Variants in RTN1 observed in about 807,000 individuals in gnomAD.
RTN1 encodes reticulon-1.
A neutral mutation model predicts 65.5 loss-of-function variants in RTN1; 25 were observed. That is an observed-to-expected ratio of 0.38 (90% confidence interval 0.28 to 0.53). The LOEUF (loss-of-function observed/expected upper bound fraction) is 0.53. RTN1 is among the 20% of genes least tolerant of loss of function. RTN1 has a pLI of 0.79. For missense variants in RTN1, 983 were observed against 1,025.4 expected (o/e 0.96, Z 0.57); for synonymous variants, 471 against 447.6 (o/e 1.05, Z -0.66).
At chr14:59,702,797 C>T (rs1884207644) in intron 3 of RTN1, among the ~76,000 whole-genome samples, 1 of 152,210 alleles carries the variant, frequency 6.6e-6, no homozygotes, top group East Asian at 1.9e-4. Flanking sequence ...CACTCCTCTG[C>T]TTTCACCCCA....
At chr14:59,656,773 C>T (rs2140203496) in intron 3 of RTN1, among the ~76,000 whole-genome samples, 1 of 152,322 alleles carries the variant, frequency 6.6e-6, no homozygotes, top group South Asian at 2.1e-4. Context: ...TGCCCAAGTA[C>T]ATAACTTGAA....
intron 3 of RTN1, among the ~76,000 whole-genome samples, chr14:59,707,748 C>T (rs1014439236): frequency 2.0e-5 from 3 of 150,722 alleles, no homozygotes; most frequent in Non-Finnish European, 4.4e-5. Context: ...CACACAAATA[C>T]ATACACACAA....
intron 3 of RTN1, among the ~76,000 whole-genome samples, chr14:59,641,599 GA>G (rs1566670016): frequency 6.6e-6 from 1 of 152,122 alleles, no homozygotes; most frequent in Non-Finnish European, 1.5e-5. Flanking sequence ...TTGAACTCCC[GA>G]CCTCAGGTGA....
At chr14:59,625,547 T>G (rs1882372514) in intron 3 of RTN1, among the ~76,000 whole-genome samples, 1 of 152,234 alleles carries the variant, frequency 6.6e-6, no homozygotes, top group African/African-American at 2.4e-5. Context: ...AAATACTTTT[T>G]GTAACATATT....
chr14:59,638,130 G>A (rs10146849), intron 3 of RTN1, among the ~76,000 whole-genome samples: 30 of 150,964 alleles, frequency 2.0e-4, no homozygotes, highest in African/African-American at 7.1e-4. Flanking sequence ...GGGATTACAG[G>A]CATGAGCCAC....
At chr14:59,806,276 CTT>C (rs1244361020) in intron 1 of RTN1, among the ~76,000 whole-genome samples, 2 of 151,086 alleles carry the variant, frequency 1.3e-5, no homozygotes, top group Non-Finnish European at 2.9e-5. Flanking sequence ...ATATATTTGA[CTT>C]AATACAATTG....
At chr14:59,634,576 C>T (rs945472359) in intron 3 of RTN1, among the ~76,000 whole-genome samples, 1 of 152,144 alleles carries the variant, frequency 6.6e-6, no homozygotes, top group Non-Finnish European at 1.5e-5. Flanking sequence ...TTTCTTGATT[C>T]ATTTATTCAT....
chr14:59,870,280 G>C lies in RTN1; in HGVS notation c.241+110C>G, dbSNP rs1210412073. On this transcript the variant is annotated intron_variant, in intron 1 of 8. Coordinates refer to ENST00000267484, the MANE Select transcript of RTN1 (RefSeq NM_021136.3). This position sits in a 1 kb window ranked among gnomAD's most constrained non-coding sequence, Gnocchi z 5.1. ...GTGGCGACGCGGGGGTGGGGTCGGC[G>C]CTCAAGGCAGAAAGCGCGAGGCAGG... The C allele has an allele frequency of 4.3e-6, 5 of 1,154,348 alleles. No homozygotes were observed. The highest frequency in any genetic ancestry group is 5.6e-6 in the Non-Finnish European group (5 of 896,200). The allele number at this position is 1,154,348 out of a possible 1,614,324, so 71.5% of individuals were successfully genotyped here.
chr14:59,818,064 T>C (rs1886854744), intron 1 of RTN1, among the ~76,000 whole-genome samples: 1 of 152,170 alleles, frequency 6.6e-6, no homozygotes, highest in African/African-American at 2.4e-5. Flanking sequence ...TGTCTGTTGT[T>C]CCCATCTTTG....
intron 3 of RTN1, among the ~76,000 whole-genome samples, chr14:59,722,270 G>C (rs1298018069): frequency 6.6e-6 from 1 of 152,184 alleles, no homozygotes; most frequent in Non-Finnish European, 1.5e-5. Context: ...AGGTCTATGG[G>C]ATGTCCAATA....
chr14:59,607,272 C>T lies in RTN1; in HGVS notation c.1973+13G>A. On this transcript the variant is annotated intron_variant, in intron 4 of 8. Transcript: ENST00000267484. Reference sequence around the variant, plus strand: ...TGGTCAGTGGGTGAGGGCTCCTCAGCTGAGGCACTCACTTGAAAGGGTGGC... The same window carrying T: ...TGGTCAGTGGGTGAGGGCTCCTCAGTTGAGGCACTCACTTGAAAGGGTGGC... The T allele has an allele frequency of 6.2e-7, 1 of 1,612,416 alleles. No homozygotes were observed. The highest frequency in any genetic ancestry group is 1.1e-5 in the South Asian group (1 of 90,748).
chr14:59,854,298 A>C (rs1887563406), intron 1 of RTN1, among the ~76,000 whole-genome samples: 1 of 152,112 alleles, frequency 6.6e-6, no homozygotes, highest in South Asian at 2.1e-4. Flanking sequence ...ATAGGTTTTC[A>C]TGCAAGCTAA....
intron 1 of RTN1, among the ~76,000 whole-genome samples, chr14:59,761,246 C>A (rs1885742186): frequency 6.6e-6 from 1 of 152,170 alleles, no homozygotes; most frequent in African/African-American, 2.4e-5. Flanking sequence ...GTGTCCCCAC[C>A]CAAATCTCAC....
intron 3 of RTN1, among the ~76,000 whole-genome samples, chr14:59,620,438 C>T (rs1882225064): frequency 6.6e-6 from 1 of 152,080 alleles, no homozygotes; most frequent in African/African-American, 2.4e-5. Context: ...ATGAGATGTC[C>T]TGTAGTGTCA....
At chr14:59,693,955 G>A (rs1884011872) in intron 3 of RTN1, among the ~76,000 whole-genome samples, 1 of 152,226 alleles carries the variant, frequency 6.6e-6, no homozygotes. Flanking sequence ...ATCTGAAGAT[G>A]AGTTTTCTGC....
chr14:59,641,133 G>T (rs559245693), intron 3 of RTN1, among the ~76,000 whole-genome samples: 253 of 150,872 alleles, frequency 1.7e-3, no homozygotes, highest in African/African-American at 5.6e-3. Context: ...TAATTTTTTT[G>T]GGGGGGGTAT....
chr14:59,753,363 G>C (rs1203419558), intron 1 of RTN1, among the ~76,000 whole-genome samples: 1 of 152,188 alleles, frequency 6.6e-6, no homozygotes, highest in African/African-American at 2.4e-5. Flanking sequence ...TAGAGGAAGA[G>C]AAGAGGAACA....
At chr14:59,838,991 A>AT (rs1199237765) in intron 1 of RTN1, among the ~76,000 whole-genome samples, 4 of 152,138 alleles carry the variant, frequency 2.6e-5, no homozygotes, top group Non-Finnish European at 2.9e-5. Flanking sequence ...AGTATAGTAC[A>AT]TATTACAAAG....
chr14:59,789,136 A>G (rs1886303550), intron 1 of RTN1, among the ~76,000 whole-genome samples: 1 of 152,020 alleles, frequency 6.6e-6, no homozygotes, highest in Admixed American at 6.6e-5. Context: ...TTAATTATGT[A>G]ATCATTCATC....
Sources: allele counts gnomAD v4.1 joint callset (sites outside exome capture counted in the v4.1 genomes callset), GRCh38; gene constraint gnomAD v4.1.1; non-coding constraint Gnocchi (gnomAD v3.1); transcripts MANE v1.5; gene names NCBI Gene and HGNC (gene_info 2026-07-23, HGNC 2026-07-21).